NNT: variants seen among roughly 807,000 people sequenced by gnomAD.
The protein encoded by NNT is NAD(P) transhydrogenase, mitochondrial.
A neutral mutation model predicts 104.8 loss-of-function variants in NNT; 50 were observed. That is an observed-to-expected ratio of 0.48 (90% confidence interval 0.38 to 0.60). NNT has a LOEUF of 0.60. Among genes scored for constraint, NNT ranks in the 20% least tolerant of loss-of-function variants. The pLI is 0.00. For missense variants in NNT, 1,131 were observed against 1,330.7 expected (o/e 0.85, Z 2.33); for synonymous variants, 461 against 490.4 (o/e 0.94, Z 0.79).
chr5:43,680,509 C>T (rs1741646876), intron 19 of NNT, among the ~76,000 whole-genome samples: 1 of 152,132 alleles, frequency 6.6e-6, no homozygotes, highest in Non-Finnish European at 1.5e-5. Flanking sequence ...CATATTCACA[C>T]ACATCCCCTG....
At chr5:43,672,793 C>G (rs183815674) in intron 17 of NNT, among the ~76,000 whole-genome samples, 11 of 152,318 alleles carry the variant, frequency 7.2e-5, no homozygotes, top group Admixed American at 4.6e-4. Context: ...CTGGGAGAAC[C>G]ACTACTCTCT....
intron 19 of NNT, among the ~76,000 whole-genome samples, chr5:43,694,661 G>A (rs1742462182): frequency 2.0e-5 from 3 of 151,920 alleles, no homozygotes; most frequent in South Asian, 4.1e-4. Flanking sequence ...GCTTTTTGAT[G>A]TGCTGCTGGA....
chr5:43,615,866 A>C lies in NNT; in HGVS notation c.400A>C (p.Asn134His). 6.2e-7 allele frequency: 1 copy of C among 1,613,826 alleles called. No homozygotes were observed. The highest frequency in any genetic ancestry group is 1.3e-5 in the African/African-American group (1 of 75,010). ...LVVKVRAPMVNPTLGVHEADL... is the reference protein window; with the variant it reads ...LVVKVRAPMVHPTLGVHEADL... ...TCCCCAGGTGCGAGCCCCTATGGTTAATCCAACATTAGGTGTTCATGAAGC... is the reference window on the plus strand; with the variant it reads ...TCCCCAGGTGCGAGCCCCTATGGTTCATCCAACATTAGGTGTTCATGAAGC... Residue 134 changes from asparagine (N) to histidine (H), a missense_variant, in exon 4 of 22, where the codon AAT (asparagine) becomes CAT (histidine). By Grantham distance (68) the Asn-to-His change is moderately conservative. Coordinates refer to ENST00000344920, the MANE Select transcript of NNT (RefSeq NM_182977.3).
rs1743022490 is a variant in NNT, at chr5:43,704,604, T to G, written c.*200T>G. On this transcript the variant is annotated 3_prime_UTR_variant, in exon 22 of 22. Coordinates refer to ENST00000344920, the MANE Select transcript of NNT (RefSeq NM_182977.3). ...CTCAATTTTAAAAAAGGATTGAAAA[T>G]TCTAAATGTCTTTCTGTGCATATTT... The G allele has an allele frequency of 2.1e-6, 1 of 478,624 alleles. No homozygotes were observed. The highest frequency in any genetic ancestry group is 2.0e-5 in the African/African-American group (1 of 48,888). 29.6% of individuals were successfully genotyped at this position (478,624 alleles called of 1,614,324 possible).
intron 21 of NNT, among the ~76,000 whole-genome samples, chr5:43,703,528 TAAG>T (rs1205059800): frequency 1.3e-5 from 2 of 152,204 alleles, no homozygotes; most frequent in East Asian, 1.9e-4. Flanking sequence ...ACTAACGCTA[TAAG>T]AAGAAGAATA....
At chr5:43,628,127 A>G in intron 6 of NNT, 73 bp from the exon 7 acceptor site, 6 of 1,142,264 alleles carry the variant, frequency 5.3e-6, no homozygotes, top group Non-Finnish European at 6.0e-6. Context: ...AAAAAGGTAT[A>G]TGTAAATGAT....
chr5:43,626,336 T>C (rs1750361646), intron 6 of NNT, among the ~76,000 whole-genome samples: 1 of 152,168 alleles, frequency 6.6e-6, no homozygotes, highest in Non-Finnish European at 1.5e-5. Context: ...GTGCAAATAC[T>C]ACACTGTCTT....
At chr5:43,632,571 C>T (rs1281954231) in intron 7 of NNT, among the ~76,000 whole-genome samples, 16 of 152,132 alleles carry the variant, frequency 1.1e-4, no homozygotes, top group Admixed American at 9.8e-4. Flanking sequence ...TCATCTCACC[C>T]CCCTATTGGG....
Position 43,655,943 on chromosome 5 carries a change from G to A in NNT, c.2163G>A (p.Glu721=). The part of the protein sequence containing the change: ...GLAAVLTCIA[E]YIIEYPHFAT... ...CAGCTGTACTTACTTGCATAGCTGA[G>A]TACATTATAGAATATCCACATTTTG... is the stretch of plus-strand genomic sequence containing the variant. The change falls in exon 15 of 22, where the codon GAG becomes GAA. Residue 721 remains glutamate, a synonymous_variant. Transcript: ENST00000344920. 6.2e-7 allele frequency: 1 copy of A among 1,614,182 alleles called. No homozygotes were observed. The highest frequency in any genetic ancestry group is 1.6e-4 in the Middle Eastern group (1 of 6,062).
intron 19 of NNT, among the ~76,000 whole-genome samples, chr5:43,678,714 A>C (rs762699353): frequency 7.2e-5 from 11 of 152,230 alleles, no homozygotes; most frequent in Non-Finnish European, 1.6e-4. Flanking sequence ...TGAGTTAGCC[A>C]GTCAGAGTAC....
intron 20 of NNT, among the ~76,000 whole-genome samples, chr5:43,701,470 T>A (rs1048846748): frequency 2.6e-5 from 4 of 152,300 alleles, no homozygotes; most frequent in East Asian, 1.9e-4. Flanking sequence ...TATTTTTTTT[T>A]ATCCAGTGCA....
chr5:43,642,238 C>T (rs185491285), intron 7 of NNT, among the ~76,000 whole-genome samples: 21 of 152,240 alleles, frequency 1.4e-4, no homozygotes, highest in Admixed American at 3.9e-4. Flanking sequence ...CAGTAAATAC[C>T]TGGAAAGTAC....
chr5:43,609,405 C>A, intron 2 of NNT, 59 bp downstream of exon 2: 1 of 1,529,404 alleles, frequency 6.5e-7, no homozygotes, highest in East Asian at 2.3e-5. Flanking sequence ...ACTAATAGAT[C>A]TGATGATTGA....
At chr5:43,669,357 C>T (rs546039526) in intron 17 of NNT, among the ~76,000 whole-genome samples, 3 of 152,200 alleles carry the variant, frequency 2.0e-5, no homozygotes, top group East Asian at 1.9e-4. Context: ...CTGTCTTGTG[C>T]CAGTTTTCAA....
chr5:43,669,764 A>AC, intron 17 of NNT, among the ~76,000 whole-genome samples: 3 of 152,118 alleles, frequency 2.0e-5, no homozygotes, highest in Non-Finnish European at 4.4e-5. Context: ...TGTCTCTGTC[A>AC]GGCTTTGGTA....
intron 7 of NNT, among the ~76,000 whole-genome samples, chr5:43,643,551 A>G (rs1258852326): frequency 6.6e-6 from 1 of 152,212 alleles, no homozygotes; most frequent in Non-Finnish European, 1.5e-5. Context: ...CACTGTAGAC[A>G]CCAATACATA....
chr5:43,680,571 G>C (rs1741651268), intron 19 of NNT, among the ~76,000 whole-genome samples: 1 of 152,168 alleles, frequency 6.6e-6, no homozygotes. Flanking sequence ...TTATACCCAA[G>C]TGGTGCCAAG....
In NNT at chr5:43,656,938, C is replaced by T. The variant is rs544601804; in HGVS notation, c.2454+125C>T. ...ATGGAATAAAAATGTTTTAAAATTA[C>T]GTCACATGTGCATCTTTTTAGAATC... On this transcript the variant is annotated intron_variant, in intron 16 of 21. Coordinates refer to ENST00000344920, the MANE Select transcript of NNT (RefSeq NM_182977.3). 3.2e-5 allele frequency: 27 copies of T among 856,768 alleles called. No individual in the cohort carries two copies. The South Asian group carries it at 3.2e-4, about 10-fold the overall frequency. 53.1% of individuals were successfully genotyped at this position (856,768 alleles called of 1,614,324 possible).
intron 1 of NNT, 63 bp from the exon 2 acceptor site, chr5:43,609,080 C>A (rs530818122): frequency 1.2e-5 from 9 of 729,682 alleles, no homozygotes; most frequent in African/African-American, 1.2e-4. Flanking sequence ...AAATGTTTTT[C>A]ATGTTTAAAA....
Sources: gnomAD v4.1 joint callset for allele counts (sites outside exome capture counted in the v4.1 genomes callset) on GRCh38, gnomAD v4.1.1 for gene constraint, MANE v1.5 for transcripts, NCBI Gene and HGNC (gene_info 2026-07-23, HGNC 2026-07-21) for gene names.